Variants in TECRL observed in about 807,000 individuals in gnomAD.
The protein encoded by TECRL is trans-2,3-enoyl-CoA reductase like.
In TECRL, 63 loss-of-function variants were observed where a neutral mutation model predicts 52.8. The observed-to-expected ratio is 1.19, with a 90% CI of 0.97 to 1.47. The LOEUF (loss-of-function observed/expected upper bound fraction) is 1.47, where lower values mean the gene tolerates loss of function less well. TECRL is among the 40% of genes most tolerant of loss of function. The probability of loss-of-function intolerance (pLI) is 0.00; values close to 1 mark genes in which losing one functional copy is unlikely to be tolerated. For synonymous variants in TECRL, 164 were observed against 141.9 expected (o/e 1.16, Z -1.10); for missense variants, 482 against 429.6 (o/e 1.12, Z -1.08).
intron 1 of TECRL, among the ~76,000 whole-genome samples, chr4:64,376,543 ATTGTT>A (rs1193130769): frequency 2.6e-5 from 4 of 151,836 alleles, no homozygotes; most frequent in Non-Finnish European, 4.4e-5. Context: ...TTTTTAAAAT[ATTGTT>A]TTAACAGTGT....
intron 7 of TECRL, among the ~76,000 whole-genome samples, chr4:64,300,395 T>C (rs1427421909): frequency 6.6e-6 from 1 of 150,884 alleles, no homozygotes; most frequent in African/African-American, 2.4e-5. Context: ...ATGCTGATTA[T>C]AGTCATTTGT....
rs1343885987 is a variant in TECRL, at chr4:64,374,079, A to ATATATATATATATATATATATATATT, written c.286+1092_286+1093insAATATATATATATATATATATATATA. Among the ~76,000 whole-genome samples the ATATATATATATATATATATATATATT allele has an allele frequency of 6.0e-3, 573 of 96,200 alleles. 2 individuals carry two copies. The highest frequency in any genetic ancestry group is 8.5e-3 in the African/African-American group (222 of 26,244). The allele number at this position is 96,200 out of a possible 152,430, so 63.1% of individuals were successfully genotyped here. On this transcript the variant is annotated intron_variant, in intron 2 of 11. Coordinates refer to ENST00000381210, the MANE Select transcript of TECRL (RefSeq NM_001010874.5). ...TATATATATATATATATATATATAT[A>ATATATATATATATATATATATATATT]TATTTATCTTTTTGGTTTTGTTCTT...
At chr4:64,339,838 C>G (rs1302656343) in intron 2 of TECRL, among the ~76,000 whole-genome samples, 2 of 152,136 alleles carry the variant, frequency 1.3e-5, no homozygotes, top group African/African-American at 4.8e-5. Flanking sequence ...CCTTGATTTT[C>G]CAAGAATTAT....
chr4:64,351,407 C>G (rs1720379370), intron 2 of TECRL, among the ~76,000 whole-genome samples: 1 of 151,866 alleles, frequency 6.6e-6, no homozygotes, highest in Non-Finnish European at 1.5e-5. Flanking sequence ...TCTGAAGTAG[C>G]TGGGAAGGAG....
At chr4:64,391,511 C>CA (rs1723547064) in intron 1 of TECRL, among the ~76,000 whole-genome samples, 1 of 151,844 alleles carries the variant, frequency 6.6e-6, no homozygotes, top group South Asian at 2.1e-4. Context: ...CATCAACACT[C>CA]AAACAGTTTT....
chr4:64,372,530 A>G (rs1439709571), intron 2 of TECRL, among the ~76,000 whole-genome samples: 2 of 151,806 alleles, frequency 1.3e-5, no homozygotes, highest in Non-Finnish European at 3.0e-5. Context: ...GAACTTAAAA[A>G]TTACAAACCT....
chr4:64,343,103 G>A (rs753125090), intron 2 of TECRL, among the ~76,000 whole-genome samples: 4 of 152,026 alleles, frequency 2.6e-5, no homozygotes, highest in Non-Finnish European at 4.4e-5. Flanking sequence ...GGGGAATAAA[G>A]GGTGATGAAA....
intron 2 of TECRL, among the ~76,000 whole-genome samples, chr4:64,371,191 C>T (rs4860597): frequency 0.9 from 135,717 of 151,350 alleles, 61,530 homozygotes; most frequent in East Asian, 1. Context: ...ACTACAAACC[C>T]AGTAATAATA....
Position 64,279,531 on chromosome 4 carries a change from CAA to C in TECRL, c.*539_*540del, listed in dbSNP as rs1577786936. The C allele has an allele frequency of 6.5e-6, 1 of 154,380 alleles. No homozygotes were observed. The highest frequency in any genetic ancestry group is 1.9e-4 in the East Asian group (1 of 5,200). The allele number at this position is 154,380 out of a possible 1,614,324, so 9.6% of individuals were successfully genotyped here. On this transcript the variant is annotated 3_prime_UTR_variant, in exon 12 of 12. Coordinates refer to ENST00000381210, the MANE Select transcript of TECRL (RefSeq NM_001010874.5). The stretch of plus-strand genomic sequence containing the variant: ...AAGCAATTCCCCTGCCTTGGCCTGT[CAA>C]AGTGTTAGGATTACAGATATGAACC...
At chr4:64,298,604 A>T (rs970217081) in intron 8 of TECRL, among the ~76,000 whole-genome samples, 5 of 151,244 alleles carry the variant, frequency 3.3e-5, no homozygotes, top group African/African-American at 7.3e-5. Context: ...GAATAAATAC[A>T]TACATAGCCA....
intron 2 of TECRL, among the ~76,000 whole-genome samples, chr4:64,329,570 G>T (rs577099283): frequency 1.7e-3 from 252 of 151,844 alleles, no homozygotes; most frequent in African/African-American, 5.6e-3. Flanking sequence ...TTATGTGTGG[G>T]TATTGTAAAT....
chr4:64,360,833 G>C (rs1721137442), intron 2 of TECRL, among the ~76,000 whole-genome samples: 1 of 152,128 alleles, frequency 6.6e-6, no homozygotes, highest in Admixed American at 6.6e-5. Context: ...ACTGTATACT[G>C]TCCATGGACA....
In TECRL at chr4:64,375,227, A is replaced by C; in HGVS notation, c.235-4T>G. 7.3e-7 allele frequency: 1 copy of C among 1,375,574 alleles called. No homozygotes were observed. The highest frequency in any genetic ancestry group is 9.6e-7 in the Non-Finnish European group (1 of 1,042,184). The allele number at this position is 1,375,574 out of a possible 1,614,324, so 85.2% of individuals were successfully genotyped here. A position where few individuals can be genotyped will look rare whatever the true frequency, so the allele number is the denominator to read the frequency against. ...GAATAGTAGATGATTGTGTCACCTG[A>C]AAAGGAAAAGAAAATAGAGTTATTT... On this transcript the variant is annotated splice_region_variant and splice_polypyrimidine_tract_variant and intron_variant, in intron 1 of 11. Transcript: ENST00000381210.
intron 8 of TECRL, among the ~76,000 whole-genome samples, chr4:64,298,662 G>A (rs769274974): frequency 1.3e-5 from 2 of 150,660 alleles, no homozygotes; most frequent in Non-Finnish European, 3.0e-5. Flanking sequence ...ACATGAAAAG[G>A]GAGTTGTCTT....
At chr4:64,314,483 T>C (rs1176636673) in intron 5 of TECRL, among the ~76,000 whole-genome samples, 165 bp downstream of exon 5, 1 of 152,180 alleles carries the variant, frequency 6.6e-6, no homozygotes, top group Non-Finnish European at 1.5e-5. Flanking sequence ...TATGTGTGGT[T>C]ATCTAAAATA....
chr4:64,351,787 A>G (rs560687640), intron 2 of TECRL, among the ~76,000 whole-genome samples: 1 of 152,338 alleles, frequency 6.6e-6, no homozygotes, highest in East Asian at 1.9e-4. Flanking sequence ...GTGGCAGTCT[A>G]ATTGCATAGT....
At position 64,284,414 on chromosome 4, in the gene TECRL, C is replaced by T. The variant is rs541687558; in HGVS notation, c.833-2855G>A. 1.4e-3 allele frequency among the ~76,000 whole-genome samples: 208 copies of T among 152,138 alleles called. 2 individuals are homozygous for T. Among genetic ancestry groups the T allele is most frequent in the Non-Finnish European group, 2.5e-4 (17 of 67,966 alleles). Reference sequence around the variant, plus strand: ...CGTTTCGTGTTCTCAGGTTTCTTCTCATGTTCCATGGGAGAACCAATAGGA... The same window carrying T: ...CGTTTCGTGTTCTCAGGTTTCTTCTTATGTTCCATGGGAGAACCAATAGGA... On this transcript the variant is annotated intron_variant, in intron 9 of 11. Transcript: ENST00000381210.
intron 4 of TECRL, among the ~76,000 whole-genome samples, chr4:64,318,834 G>A (rs1188692381): frequency 6.6e-6 from 1 of 151,886 alleles, no homozygotes; most frequent in Non-Finnish European, 1.5e-5. Context: ...TCAGGGAGAA[G>A]GAGACAGATG....
At chr4:64,357,908 C>T (rs1720885060) in intron 2 of TECRL, among the ~76,000 whole-genome samples, 1 of 151,468 alleles carries the variant, frequency 6.6e-6, no homozygotes, top group South Asian at 2.1e-4. Flanking sequence ...AAAATGAAAG[C>T]ATCCAAATGA....
Sources: gnomAD v4.1 joint callset for allele counts (sites outside exome capture counted in the v4.1 genomes callset) on GRCh38, gnomAD v4.1.1 for gene constraint, MANE v1.5 for transcripts, NCBI Gene and HGNC (gene_info 2026-07-23, HGNC 2026-07-21) for gene names.